The following ATP11A variants were observed in gnomAD, a reference collection of about 807,000 sequenced individuals.
ATP11A encodes phospholipid-transporting ATPase IH.
ATP11A carries 81 observed loss-of-function variants against 154.4 expected under a neutral mutation model. The ratio of observed to expected loss-of-function variants is 0.52; its 90% CI spans 0.44 to 0.63. ATP11A has a LOEUF of 0.63. Among genes scored for constraint, ATP11A ranks in the 30% least tolerant of loss-of-function variants. The pLI, the probability that ATP11A is intolerant of heterozygous loss-of-function variation, is 0.00. For synonymous variants in ATP11A, 623 were observed against 585.9 expected (o/e 1.06, Z -0.91); for missense variants, 1,316 against 1,474.3 (o/e 0.89, Z 1.76).
chr13:112,829,037 A>C (rs555643478), intron 12 of ATP11A, among the ~76,000 whole-genome samples: 13 of 152,332 alleles, frequency 8.5e-5, no homozygotes, highest in Non-Finnish European at 1.5e-4. Flanking sequence ...CCTTCTCTGT[A>C]TCCTGTGTGC....
chr13:112,835,231 A>T (rs1047167918), intron 15 of ATP11A, among the ~76,000 whole-genome samples: 3 of 152,214 alleles, frequency 2.0e-5, no homozygotes, highest in African/African-American at 7.2e-5. Context: ...TCCCTGAGAT[A>T]AGTGACCCAT....
Position 112,802,063 on chromosome 13 carries a change from G to A in ATP11A, c.163-2894G>A, listed in dbSNP as rs150855506. ...GTTGCTGAAAGAATAGAGAAATAGC[G>A]GCTGGGCGTGGCGGCTCACACCTGT... is the stretch of plus-strand genomic sequence containing the variant. On this transcript the variant is annotated intron_variant, in intron 2 of 29. Coordinates refer to ENST00000375645, the MANE Select transcript of ATP11A (RefSeq NM_015205.3). Among the ~76,000 whole-genome samples, 128 of 152,276 alleles carry A rather than the reference G, an allele frequency of 8.4e-4. 1 individual carries two copies. In the South Asian group the frequency reaches 0.014, roughly 17 times the overall value.
At chr13:112,813,517 G>C (rs2078562415) in intron 5 of ATP11A, among the ~76,000 whole-genome samples, 1 of 152,196 alleles carries the variant, frequency 6.6e-6, no homozygotes, top group Admixed American at 6.5e-5. Flanking sequence ...AAGTTGAAGG[G>C]CTTTTCGATT....
chr13:112,858,436 T>A, intron 22 of ATP11A, 146 bp downstream of exon 22: 1 of 825,968 alleles, frequency 1.2e-6, no homozygotes, highest in Non-Finnish European at 1.8e-6. Context: ...TGAATCTGAT[T>A]GCAGTCATCT....
chr13:112,724,102 A>ATCGCCCCCT (rs1208780937), intron 1 of ATP11A, among the ~76,000 whole-genome samples: 1,295 of 46,056 alleles, frequency 0.028, 38 homozygotes, highest in African/African-American at 0.096. Flanking sequence ...TATCGTCCCC[A>ATCGCCCCCT]TCGCCCCCTT....
intron 27 of ATP11A, among the ~76,000 whole-genome samples, chr13:112,874,995 G>T (rs2080674059): frequency 6.6e-6 from 1 of 152,088 alleles, no homozygotes; most frequent in Admixed American, 6.5e-5. Context: ...GATGTGCTGG[G>T]AGCTCACCAT....
At chr13:112,717,760 A>G (rs534208338) in intron 1 of ATP11A, 26 of 152,358 alleles carry the variant, frequency 1.7e-4, no homozygotes, top group African/African-American at 6.3e-4. Flanking sequence ...AAAAGTTTCA[A>G]ACACACATCT....
chr13:112,714,351 C>A (rs1042492800), intron 1 of ATP11A, among the ~76,000 whole-genome samples: 4 of 152,162 alleles, frequency 2.6e-5, no homozygotes, highest in African/African-American at 9.7e-5. Context: ...CAGGACCCCA[C>A]TGTGGGAACC....
At chr13:112,860,208 A>C in intron 23 of ATP11A, 79 bp from the exon 24 acceptor site, 1 of 1,520,752 alleles carries the variant, frequency 6.6e-7, no homozygotes, top group Non-Finnish European at 8.9e-7. Flanking sequence ...TTTCAGAAAG[A>C]AAATATATTT....
At chr13:112,795,047 C>T (rs1269569818) in intron 2 of ATP11A, among the ~76,000 whole-genome samples, 1 of 151,978 alleles carries the variant, frequency 6.6e-6, no homozygotes, top group Non-Finnish European at 1.5e-5. Context: ...AGTTCAAGAT[C>T]AGCCTGGGCA....
rs150135602 is a variant in ATP11A at position 112,798,036 on chromosome 13, T to G, written c.163-6921T>G. ...TCCTTGAGCACTGCATCCTCTGGAG[T>G]GGGGGAAGGCTGTGTCCTTATGTGG... On this transcript the variant is annotated intron_variant, in intron 2 of 29. Coordinates refer to ENST00000375645, the MANE Select transcript of ATP11A (RefSeq NM_015205.3). 5.9e-4 allele frequency among the ~76,000 whole-genome samples: 89 copies of G among 151,986 alleles called. No homozygotes were observed. In the East Asian group the frequency reaches 0.017, roughly 29 times the overall value.
intron 17 of ATP11A, among the ~76,000 whole-genome samples, chr13:112,850,274 C>T (rs1357650489): frequency 1.3e-5 from 2 of 152,130 alleles, no homozygotes; most frequent in Non-Finnish European, 2.9e-5. Context: ...AGGGCTGGGG[C>T]TGAAGGAGCA....
At chr13:112,780,328 G>C (rs1392177501) in intron 1 of ATP11A, among the ~76,000 whole-genome samples, 1 of 152,102 alleles carries the variant, frequency 6.6e-6, no homozygotes, top group Non-Finnish European at 1.5e-5. Flanking sequence ...CAACCCAGAA[G>C]GTTTTCACCC....
intron 19 of ATP11A, 110 bp from the exon 20 acceptor site, chr13:112,855,801 T>G: frequency 9.8e-7 from 1 of 1,024,294 alleles, no homozygotes; most frequent in African/African-American, 1.6e-5. Context: ...AACACTAGTT[T>G]CTTAATCCCA....
intron 1 of ATP11A, among the ~76,000 whole-genome samples, chr13:112,729,296 T>C (rs1324405678): frequency 1.3e-5 from 2 of 152,242 alleles, no homozygotes; most frequent in Non-Finnish European, 2.9e-5. Flanking sequence ...CACTCTTTAC[T>C]ACGTTTGCTT....
intron 1 of ATP11A, among the ~76,000 whole-genome samples, chr13:112,767,831 C>T (rs150405059): frequency 6.6e-6 from 1 of 152,266 alleles, no homozygotes; most frequent in East Asian, 1.9e-4. Flanking sequence ...ACCTGAGGCT[C>T]ATCCTTGTCA....
chr13:112,806,846 C>G (rs61294147), intron 4 of ATP11A, among the ~76,000 whole-genome samples: 1,668 of 152,234 alleles, frequency 0.011, 34 homozygotes, highest in African/African-American at 0.038. Context: ...TTTCTGTCAC[C>G]GTAGAGTCGC....
chr13:112,736,595 A>G (rs1891024301), intron 1 of ATP11A, among the ~76,000 whole-genome samples: 1 of 152,240 alleles, frequency 6.6e-6, no homozygotes, highest in South Asian at 2.1e-4. Context: ...CCTCCCAGTT[A>G]AATTAAAATG....
intron 1 of ATP11A, among the ~76,000 whole-genome samples, chr13:112,698,866 C>T (rs1207841393): frequency 1.3e-5 from 2 of 152,026 alleles, no homozygotes; most frequent in South Asian, 2.1e-4. Flanking sequence ...GGATTACAGG[C>T]GCCTGCCACC....
Sources: allele counts gnomAD v4.1 joint callset (sites outside exome capture counted in the v4.1 genomes callset), GRCh38; gene constraint gnomAD v4.1.1; transcripts MANE v1.5; gene names NCBI Gene and HGNC (gene_info 2026-07-23, HGNC 2026-07-21).